EIF2A: variants seen among roughly 807,000 people sequenced by gnomAD.
EIF2A encodes eukaryotic translation initiation factor 2A, also known as 65 kDa eukaryotic translation initiation factor 2A.
Under a neutral mutation model 75.2 loss-of-function variants are expected in EIF2A, and 62 were observed. The ratio of observed to expected loss-of-function variants is 0.82; its 90% confidence interval spans 0.67 to 1.02. The LOEUF (loss-of-function observed/expected upper bound fraction) is 1.02, where lower values mean the gene tolerates loss of function less well. Ranked by LOEUF, EIF2A falls within the 50% of genes least tolerant of loss-of-function variation. The probability of loss-of-function intolerance (pLI) is 0.00; values close to 1 mark genes in which losing one functional copy is unlikely to be tolerated. For synonymous variants in EIF2A, 207 were observed against 239.0 expected (o/e 0.87, Z 1.23); for missense variants, 611 against 677.7 (o/e 0.90, Z 1.09).
chr3:150,575,605 T>C lies in EIF2A; in HGVS notation c.1384-44T>C, dbSNP rs750895619. ...TGTATAATTTGTTGTTGTAGGTGTT[T>C]ACAACATGGACTCCATTTCAAAATT... On this transcript the variant is annotated intron_variant, in intron 10 of 13. Transcript: ENST00000460851. The C allele has an allele frequency of 1.7e-5, 25 of 1,476,516 alleles. No individual in the cohort carries two copies. The East Asian group carries it at 4.9e-4, about 29-fold the overall frequency. The allele number at this position is 1,476,516 out of a possible 1,614,324, so 91.5% of individuals were successfully genotyped here.
At chr3:150,581,193 GATTATA>G (rs1463096564) in intron 11 of EIF2A, among the ~76,000 whole-genome samples, 1 of 152,216 alleles carries the variant, frequency 6.6e-6, no homozygotes, top group Non-Finnish European at 1.5e-5. Flanking sequence ...GAATTGATCT[GATTATA>G]AATTAATATC....
chr3:150,571,881 T>C (rs1329656361), intron 9 of EIF2A, 77 bp from the exon 10 acceptor site: 1 of 1,330,278 alleles, frequency 7.5e-7, no homozygotes, highest in Non-Finnish European at 1.0e-6. Context: ...TTGTGAGTAC[T>C]ATATGATGGT....
chr3:150,556,024 G>T (rs746763906), intron 2 of EIF2A, among the ~76,000 whole-genome samples: 5 of 152,188 alleles, frequency 3.3e-5, no homozygotes, highest in Non-Finnish European at 7.3e-5. Flanking sequence ...AGCCTGTTTG[G>T]GTTGAATCTG....
chr3:150,565,213 AG>A (rs1724104221), intron 6 of EIF2A: 1 of 456,534 alleles, frequency 2.2e-6, no homozygotes, highest in Non-Finnish European at 4.4e-6. Flanking sequence ...TTTCAGCTTC[AG>A]GTTCTTTTTT....
At chr3:150,574,327 G>A (rs1724736114) in intron 10 of EIF2A, among the ~76,000 whole-genome samples, 1 of 152,092 alleles carries the variant, frequency 6.6e-6, no homozygotes, top group Admixed American at 6.5e-5. Flanking sequence ...CGTCTCAAGT[G>A]AAAGGCTCTC....
At chr3:150,549,280 G>A (rs983670040) in intron 1 of EIF2A, among the ~76,000 whole-genome samples, 17 of 149,466 alleles carry the variant, frequency 1.1e-4, no homozygotes, top group African/African-American at 2.5e-4. Context: ...GTGCAATGGC[G>A]CGATCTTGGC....
chr3:150,565,694 G>A (rs1028283147), intron 6 of EIF2A: 1 of 154,442 alleles, frequency 6.5e-6, no homozygotes, highest in Admixed American at 6.5e-5. Context: ...AAGTAGCTGG[G>A]ACTACAGGCT....
chr3:150,551,060 C>A (rs1723291269), intron 1 of EIF2A, among the ~76,000 whole-genome samples: 1 of 152,186 alleles, frequency 6.6e-6, no homozygotes, highest in Non-Finnish European at 1.5e-5. Context: ...GGTTTTTGCA[C>A]TTGTTAACTG....
chr3:150,584,889 C>A lies in EIF2A; in HGVS notation c.*978C>A, dbSNP rs1215615382. Among the ~76,000 whole-genome samples, 1 of 149,264 alleles carries A rather than the reference C, an allele frequency of 6.7e-6. No homozygotes were observed. Among genetic ancestry groups the A allele is most frequent in the Non-Finnish European group, 1.5e-5 (1 of 67,380 alleles). ...ACACAGGACTTTTTTTTTTCTAATT[C>A]AAAAAATACAAAGGCATGCAATGAA... On this transcript the variant is annotated 3_prime_UTR_variant, in exon 14 of 14. Coordinates refer to ENST00000460851, the MANE Select transcript of EIF2A (RefSeq NM_032025.5).
At position 150,580,112 on chromosome 3, in the gene EIF2A, G is replaced by A. The variant is rs369870313; in HGVS notation, c.1498-1506G>A. Among the ~76,000 whole-genome samples the A allele has an allele frequency of 1.0e-3, 153 of 152,202 alleles. 1 individual carries two copies. In the South Asian group the frequency reaches 0.013, roughly 13 times the overall value. On this transcript the variant is annotated intron_variant, in intron 11 of 13. Transcript: ENST00000460851. Reference sequence around the variant, plus strand: ...GGGAATGGTAGAATATGGTGTTACCGTAGGGAAAAATACTGGGCATTATGA... The same window carrying A: ...GGGAATGGTAGAATATGGTGTTACCATAGGGAAAAATACTGGGCATTATGA...
At chr3:150,560,049 T>G (rs2107918308) in intron 3 of EIF2A, among the ~76,000 whole-genome samples, 1 of 152,312 alleles carries the variant, frequency 6.6e-6, no homozygotes, top group Middle Eastern at 3.4e-3. Context: ...CTTTTTTTGT[T>G]TGTTTGTTTT....
At chr3:150,567,790 G>GT (rs1559880801) in intron 7 of EIF2A, 24 bp downstream of exon 7, 1 of 1,568,784 alleles carries the variant, frequency 6.4e-7, no homozygotes, top group Admixed American at 2.0e-5. Flanking sequence ...TTGTTTATGT[G>GT]TAATATTATG....
At chr3:150,566,764 A>G (rs1382194906) in intron 6 of EIF2A, 1 of 145,046 alleles carries the variant, frequency 6.9e-6, no homozygotes, top group African/African-American at 2.5e-5. Context: ...TTAATACCAA[A>G]AAGTAACACT....
intron 10 of EIF2A, among the ~76,000 whole-genome samples, chr3:150,574,615 T>C (rs1724751959): frequency 6.6e-6 from 1 of 152,232 alleles, no homozygotes; most frequent in South Asian, 2.1e-4. Context: ...GTTCTCATAA[T>C]ATTCAGTTTG....
At chr3:150,552,012 C>T (rs1723341256) in intron 1 of EIF2A, among the ~76,000 whole-genome samples, 1 of 152,120 alleles carries the variant, frequency 6.6e-6, no homozygotes, top group African/African-American at 2.4e-5. Context: ...CAGATTAGGT[C>T]ACAGATTCAG....
chr3:150,573,349 T>C (rs543695636), intron 10 of EIF2A, among the ~76,000 whole-genome samples: 2 of 152,012 alleles, frequency 1.3e-5, no homozygotes, highest in Non-Finnish European at 2.9e-5. Flanking sequence ...ACCTCCCGGG[T>C]TCAAGCAATT....
chr3:150,571,159 A>C (rs1724491556), intron 9 of EIF2A, among the ~76,000 whole-genome samples: 1 of 151,386 alleles, frequency 6.6e-6, no homozygotes, highest in South Asian at 2.1e-4. Flanking sequence ...TTTTTTTTTG[A>C]GATGGAGTCT....
chr3:150,583,902 G>A lies in EIF2A; in HGVS notation c.1749G>A (p.Leu583=). The A allele has an allele frequency of 6.2e-7, 1 of 1,613,482 alleles. No homozygotes were observed. The highest frequency in any genetic ancestry group is 8.5e-7 in the Non-Finnish European group (1 of 1,179,634). The change falls in exon 14 of 14, where the codon TTG becomes TTA. Residue 583 remains leucine (L), a synonymous_variant. Coordinates refer to ENST00000460851, the MANE Select transcript of EIF2A (RefSeq NM_032025.5). The stretch of plus-strand genomic sequence containing the variant: ...TCCAGGAGCTGGAAGATTTGGAATT[G>A]GGTATTTAAAGATTCACGGAAAGCA... ...ALLQELEDLE[L]GI
At chr3:150,571,213 C>T (rs192059775) in intron 9 of EIF2A, among the ~76,000 whole-genome samples, 263 of 151,758 alleles carry the variant, frequency 1.7e-3, no homozygotes, top group African/African-American at 6.0e-3. Flanking sequence ...GATCTTGGCT[C>T]ACTGCAACCT....
Sources: gnomAD v4.1 joint callset for allele counts (sites outside exome capture counted in the v4.1 genomes callset) on GRCh38, gnomAD v4.1.1 for gene constraint, MANE v1.5 for transcripts, NCBI Gene and HGNC (gene_info 2026-07-23, HGNC 2026-07-21) for gene names.